Variants in IQCM observed in about 807,000 individuals in gnomAD.
IQCM encodes IQ domain-containing protein M.
IQCM carries 45 observed loss-of-function variants against 57.6 expected under a neutral mutation model. That is an observed-to-expected ratio of 0.78 (90% CI 0.62 to 1.00). The LOEUF is 1.00. Among genes scored for constraint, IQCM ranks in the 50% least tolerant of loss-of-function variants. The pLI, the probability that IQCM is intolerant of heterozygous loss-of-function variation, is 0.00. For missense variants in IQCM, 468 were observed against 511.6 expected, an observed-to-expected ratio of 0.91 and a Z score of 0.82; for synonymous variants, 148 against 158.9, an observed-to-expected ratio of 0.93 and a Z score of 0.51.
At chr4:149,804,487 C>A (rs537836795) in intron 2 of IQCM, among the ~76,000 whole-genome samples, 143 of 152,094 alleles carry the variant, frequency 9.4e-4, no homozygotes, top group Non-Finnish European at 1.2e-3. Context: ...TGACAGACTG[C>A]CCTGTGACCT....
chr4:149,649,863 T>C (rs1456750698), intron 7 of IQCM, among the ~76,000 whole-genome samples: 2 of 152,178 alleles, frequency 1.3e-5, no homozygotes, highest in African/African-American at 4.8e-5. Flanking sequence ...TTTAAAAATA[T>C]ACAAATATAG....
intron 13 of IQCM, among the ~76,000 whole-genome samples, chr4:149,414,238 C>T (rs1349478333): frequency 6.6e-6 from 1 of 152,266 alleles, no homozygotes; most frequent in East Asian, 1.9e-4. Context: ...CATCCAATTG[C>T]TTAAGGACAT....
At chr4:149,387,615 G>C (rs1196595942) in intron 13 of IQCM, among the ~76,000 whole-genome samples, 2 of 151,914 alleles carry the variant, frequency 1.3e-5, no homozygotes, top group African/African-American at 4.8e-5. Flanking sequence ...CATATAGAAA[G>C]CTGCATTATT....
chr4:149,808,903 T>C (rs184228868), intron 2 of IQCM, among the ~76,000 whole-genome samples: 1 of 152,222 alleles, frequency 6.6e-6, no homozygotes, highest in Non-Finnish European at 1.5e-5. Context: ...AGATAATTTT[T>C]TGAAGAAAGT....
chr4:149,694,936 C>T (rs1314247428), intron 5 of IQCM, among the ~76,000 whole-genome samples: 1 of 152,044 alleles, frequency 6.6e-6, no homozygotes, highest in Non-Finnish European at 1.5e-5. Flanking sequence ...TTTTAAGACC[C>T]ACTATTTAAA....
chr4:149,429,325 A>G (rs1734661822), intron 13 of IQCM, among the ~76,000 whole-genome samples: 1 of 151,950 alleles, frequency 6.6e-6, no homozygotes, highest in African/African-American at 2.4e-5. Context: ...GTGACAAGCC[A>G]TATATTCCTG....
intron 13 of IQCM, among the ~76,000 whole-genome samples, chr4:149,416,892 A>G (rs1733786391): frequency 6.6e-6 from 1 of 152,144 alleles, no homozygotes; most frequent in Non-Finnish European, 1.5e-5. Context: ...TGTTTTCAGC[A>G]CTGGAAAATG....
At chr4:149,673,751 C>A (rs1670779348) in intron 7 of IQCM, among the ~76,000 whole-genome samples, 2 of 152,250 alleles carry the variant, frequency 1.3e-5, no homozygotes, top group East Asian at 3.9e-4. Context: ...AGGAATTGAA[C>A]TCAGCTCTGC....
At chr4:149,565,995 C>T (rs1364197823) in intron 9 of IQCM, among the ~76,000 whole-genome samples, 2 of 152,028 alleles carry the variant, frequency 1.3e-5, no homozygotes, top group South Asian at 4.1e-4. Flanking sequence ...AACAAAGCTG[C>T]CAGAAGAGCT....
At chr4:149,517,872 C>T (rs1042217452) in intron 12 of IQCM, among the ~76,000 whole-genome samples, 1 of 152,140 alleles carries the variant, frequency 6.6e-6, no homozygotes, top group Non-Finnish European at 1.5e-5. Context: ...CTTGGACTGG[C>T]TTCCTTGCTC....
chr4:149,512,615 C>A (rs571134992), intron 12 of IQCM, among the ~76,000 whole-genome samples: 5 of 152,234 alleles, frequency 3.3e-5, no homozygotes, highest in Non-Finnish European at 7.4e-5. Context: ...GTAAAACTTA[C>A]AATTATGAAA....
At chr4:149,569,951 T>G (rs1002759673) in intron 9 of IQCM, among the ~76,000 whole-genome samples, 30 of 152,228 alleles carry the variant, frequency 2.0e-4, no homozygotes, top group African/African-American at 5.3e-4. Flanking sequence ...AAACTTCAAT[T>G]TGTTTGCTTT....
intron 12 of IQCM, among the ~76,000 whole-genome samples, chr4:149,444,908 G>A (rs886952227): frequency 2.6e-5 from 4 of 151,830 alleles, no homozygotes; most frequent in African/African-American, 9.7e-5. Context: ...AAGAAAAGAT[G>A]GTTGACTTTG....
intron 9 of IQCM, among the ~76,000 whole-genome samples, chr4:149,574,021 A>G (rs1751407884): frequency 6.6e-6 from 1 of 151,868 alleles, no homozygotes; most frequent in African/African-American, 2.4e-5. Context: ...TTGTTTCAGG[A>G]GTATTGAAAG....
At chr4:149,659,961 A>G (rs1760019707) in intron 7 of IQCM, among the ~76,000 whole-genome samples, 1 of 151,758 alleles carries the variant, frequency 6.6e-6, no homozygotes, top group Non-Finnish European at 1.5e-5. Flanking sequence ...CAATGGCAAC[A>G]AAAGCCAAAA....
intron 8 of IQCM, among the ~76,000 whole-genome samples, chr4:149,602,205 G>A (rs931651111): frequency 6.6e-6 from 1 of 151,950 alleles, no homozygotes; most frequent in African/African-American, 2.4e-5. Context: ...TAAAGTATAG[G>A]GGAGGGCTTG....
chr4:149,560,843 G>A (rs1269093171), intron 10 of IQCM, among the ~76,000 whole-genome samples: 1 of 152,118 alleles, frequency 6.6e-6, no homozygotes, highest in Non-Finnish European at 1.5e-5. Flanking sequence ...AAAGCAATAT[G>A]ACTATGGAAG....
At chr4:149,745,329 T>C (rs570826381) in intron 2 of IQCM, among the ~76,000 whole-genome samples, 1 of 152,304 alleles carries the variant, frequency 6.6e-6, no homozygotes, top group South Asian at 2.1e-4. Flanking sequence ...CGTTCTAGAA[T>C]GTAACTTCCA....
chr4:149,524,898 T>C (rs1746006709), intron 12 of IQCM, among the ~76,000 whole-genome samples: 1 of 151,602 alleles, frequency 6.6e-6, no homozygotes, highest in African/African-American at 2.4e-5. Flanking sequence ...TATAATAAAT[T>C]AAAAATTTCC....
Sources: allele counts gnomAD v4.1 joint callset (sites outside exome capture counted in the v4.1 genomes callset), GRCh38; gene constraint gnomAD v4.1.1; transcripts MANE v1.5; gene names NCBI Gene and HGNC (gene_info 2026-07-23, HGNC 2026-07-21).